C16orf74: variants seen among roughly 807,000 people sequenced by gnomAD.
C16orf74 encodes calcimembrin, also known as uncharacterized protein C16orf74.
C16orf74 carries 10 observed loss-of-function variants against 6.5 expected under a neutral mutation model. The observed-to-expected ratio is 1.54, with a 90% CI of 0.95 to 2.61. The LOEUF is 2.61. C16orf74 is among the 30% of genes most tolerant of loss of function. The pLI, the probability that C16orf74 is intolerant of heterozygous loss-of-function variation, is 0.00. For synonymous variants in C16orf74, 60 were observed against 42.5 expected (o/e 1.41, Z -1.60); for missense variants, 141 against 105.9 (o/e 1.33, Z -1.45).
rs1253038269 is a variant in C16orf74, at chr16:85,738,838, T to G, written c.-18-3603A>C. Among the ~76,000 whole-genome samples the G allele has an allele frequency of 4.6e-5, 7 of 152,242 alleles. No individual in the cohort carries two copies. In the East Asian group the frequency reaches 1.4e-3, roughly 29 times the overall value. On this transcript the variant is annotated intron_variant, in intron 1 of 3. Transcript: ENST00000284245. ...GCCCTTTATGTGTATTCATGGTTAGTGAATCCTCACTATAACCCCATGAAG... is the reference window on the plus strand; with the variant it reads ...GCCCTTTATGTGTATTCATGGTTAGGGAATCCTCACTATAACCCCATGAAG...
At chr16:85,727,908 G>T (rs979010854) in intron 2 of C16orf74, among the ~76,000 whole-genome samples, 1 of 147,758 alleles carries the variant, frequency 6.8e-6, no homozygotes, top group African/African-American at 2.5e-5. Flanking sequence ...GGAGGTCCAG[G>T]CTTGAAGCCA....
intron 2 of C16orf74, among the ~76,000 whole-genome samples, chr16:85,713,121 C>T (rs1331325474): frequency 1.3e-5 from 2 of 152,194 alleles, no homozygotes; most frequent in African/African-American, 4.8e-5. Context: ...GCTGGTTCCT[C>T]TGGAGGCTGC....
At chr16:85,741,527 T>A (rs1443625156) in intron 1 of C16orf74, 1 of 168,662 alleles carries the variant, frequency 5.9e-6, no homozygotes, top group East Asian at 1.9e-4. Flanking sequence ...GGTGGTCACG[T>A]CCACATATGG....
chr16:85,745,823 G>C (rs894719546), intron 1 of C16orf74, among the ~76,000 whole-genome samples: 1 of 152,026 alleles, frequency 6.6e-6, no homozygotes, highest in Non-Finnish European at 1.5e-5. Flanking sequence ...CCGCTGGCTG[G>C]AGGGACCCTG....
intron 1 of C16orf74, among the ~76,000 whole-genome samples, chr16:85,738,184 G>C (rs1232394761): frequency 1.3e-5 from 2 of 151,928 alleles, no homozygotes; most frequent in Non-Finnish European, 2.9e-5. Flanking sequence ...GGTTGAGACT[G>C]CAGTGAACCT....
Position 85,740,732 on chromosome 16 carries a change from C to T in C16orf74, c.-18-5497G>A, listed in dbSNP as rs930619110. Among the ~76,000 whole-genome samples, 12 of 143,288 alleles carry T rather than the reference C, an allele frequency of 8.4e-5. 1 individual carries two copies. Among genetic ancestry groups the T allele is most frequent in the African/African-American group, 3.1e-4 (12 of 38,306 alleles). The allele number at this position is 143,288 out of a possible 152,430, so 94.0% of individuals were successfully genotyped here. The stretch of plus-strand genomic sequence containing the variant: ...AAAAAAAATTATCCGGGCTTGGTGG[C>T]GGGCATCTGTAATGCCAGCTACCTG... On this transcript the variant is annotated intron_variant, in intron 1 of 3. Transcript: ENST00000284245.
At chr16:85,718,911 C>T (rs1007329555) in intron 2 of C16orf74, among the ~76,000 whole-genome samples, 1 of 152,244 alleles carries the variant, frequency 6.6e-6, no homozygotes, top group Non-Finnish European at 1.5e-5. Context: ...GGTCGGGGGA[C>T]TTGTCGCCCC....
chr16:85,737,682 T>C (rs756499178), intron 1 of C16orf74, among the ~76,000 whole-genome samples: 3 of 152,108 alleles, frequency 2.0e-5, no homozygotes, highest in African/African-American at 7.2e-5. Flanking sequence ...ATACAAAAAA[T>C]TAGCTGGGTG....
chr16:85,710,648 C>T (rs534979813), intron 2 of C16orf74: 22 of 262,388 alleles, frequency 8.4e-5, no homozygotes, highest in South Asian at 1.2e-4. Flanking sequence ...CTCTCCACAG[C>T]GCTCCAGCCT....
intron 2 of C16orf74, among the ~76,000 whole-genome samples, chr16:85,719,229 C>T (rs1478613612): frequency 1.3e-5 from 2 of 152,224 alleles, no homozygotes; most frequent in East Asian, 3.8e-4. Flanking sequence ...CCCTGCATGG[C>T]CCCAGGTGCT....
intron 1 of C16orf74, among the ~76,000 whole-genome samples, chr16:85,745,582 A>G (rs936464574): frequency 6.7e-6 from 1 of 150,080 alleles, no homozygotes; most frequent in Non-Finnish European, 1.5e-5. Flanking sequence ...TCAAAGACAG[A>G]GAATCTCCCG....
At chr16:85,714,689 A>T (rs2054005101) in intron 2 of C16orf74, among the ~76,000 whole-genome samples, 1 of 147,888 alleles carries the variant, frequency 6.8e-6, no homozygotes, top group East Asian at 2.3e-4. Context: ...AAGTCCTGGG[A>T]TTACAGGCAT....
rs569734714 is a variant in C16orf74 at position 85,712,899 on chromosome 16, G to C, written c.29-2592C>G. 4.4e-3 allele frequency among the ~76,000 whole-genome samples: 668 copies of C among 152,340 alleles called. 4 individuals carry two copies. Among genetic ancestry groups the C allele is most frequent in the Non-Finnish European group, 7.7e-3 (526 of 68,024 alleles). On this transcript the variant is annotated intron_variant, in intron 2 of 3. Transcript: ENST00000284245. Reference sequence around the variant, plus strand: ...ACACTGGGTGTCCAAAGGCGTGATTGATGGAGGGGGGCTCCGGGTCATGCC... The same window carrying C: ...ACACTGGGTGTCCAAAGGCGTGATTCATGGAGGGGGGCTCCGGGTCATGCC...
At chr16:85,710,484 A>G in intron 2 of C16orf74, 177 bp from the exon 3 acceptor site, 2 of 537,778 alleles carry the variant, frequency 3.7e-6, no homozygotes, top group Admixed American at 4.3e-5. Context: ...CTCAGGAATG[A>G]AAAAGGAGCC....
intron 2 of C16orf74, among the ~76,000 whole-genome samples, chr16:85,730,893 C>G (rs1356068674): frequency 6.7e-6 from 1 of 150,204 alleles, no homozygotes; most frequent in African/African-American, 2.5e-5. Flanking sequence ...CTGAACCCCC[C>G]CAGATCAGCT....
chr16:85,707,726 C>A lies in C16orf74; in HGVS notation c.*282G>T. ...AGAAGAGAGCCTCTCCCTGGGACCC[C>A]AACAGCCAGGACCATGGCGCTCCCT... On this transcript the variant is annotated 3_prime_UTR_variant, in exon 4 of 4. Coordinates refer to ENST00000284245, the MANE Select transcript of C16orf74 (RefSeq NM_206967.3). 1 of 457,614 alleles carries A rather than the reference C, an allele frequency of 2.2e-6. No individual in the cohort carries two copies. The allele number at this position is 457,614 out of a possible 1,614,324, so 28.3% of individuals were successfully genotyped here.
At chr16:85,748,935 TTTTTTTTTTTTTA>T (rs1457483502) in intron 1 of C16orf74, among the ~76,000 whole-genome samples, 22 of 27,076 alleles carry the variant, frequency 8.1e-4, no homozygotes, top group Non-Finnish European at 1.6e-3. Flanking sequence ...ATTTTTTTTT[TTTTTTTTTTTTTA>T]TTTTATTTTT....
intron 2 of C16orf74, among the ~76,000 whole-genome samples, chr16:85,717,838 T>G (rs1216357859): frequency 6.6e-6 from 1 of 152,202 alleles, no homozygotes; most frequent in Admixed American, 6.5e-5. Flanking sequence ...CAGGCCCCAC[T>G]GCCCTCACCA....
At chr16:85,724,880 G>A (rs555533780) in intron 2 of C16orf74, among the ~76,000 whole-genome samples, 1 of 152,228 alleles carries the variant, frequency 6.6e-6, no homozygotes, top group Non-Finnish European at 1.5e-5. Flanking sequence ...GGATCCAGGA[G>A]TGTGAGGAGG....
Sources: allele counts gnomAD v4.1 joint callset (sites outside exome capture counted in the v4.1 genomes callset), GRCh38; gene constraint gnomAD v4.1.1; transcripts MANE v1.5; gene names NCBI Gene and HGNC (gene_info 2026-07-23, HGNC 2026-07-21).